NIPSNAP1: variants seen among roughly 807,000 people sequenced by gnomAD.
NIPSNAP1 encodes the protein nipsnap homolog 1.
In NIPSNAP1, 25 loss-of-function variants were observed where a neutral mutation model predicts 49.2. The ratio of observed to expected loss-of-function variants is 0.51; its 90% CI spans 0.37 to 0.71. The LOEUF is 0.71. NIPSNAP1 is among the 30% of genes least tolerant of loss of function. NIPSNAP1 has a pLI of 0.00. For synonymous variants in NIPSNAP1, 143 were observed against 140.7 expected (o/e 1.02, Z -0.12); for missense variants, 294 against 361.0 (o/e 0.81, Z 1.50).
chr22:29,579,955 C>G, intron 1 of NIPSNAP1: 1 of 623,668 alleles, frequency 1.6e-6, no homozygotes, highest in South Asian at 1.6e-5. Context: ...TCTTTCCCAG[C>G]TGTCCAAAAG....
At chr22:29,559,995 A>C (rs931319627) in intron 8 of NIPSNAP1, among the ~76,000 whole-genome samples, 3 of 151,944 alleles carry the variant, frequency 2.0e-5, no homozygotes, top group Admixed American at 1.3e-4. Context: ...CCATCTCCCC[A>C]CATTCTTCCC....
At chr22:29,580,872 A>C in intron 1 of NIPSNAP1, 113 bp downstream of exon 1, 1 of 850,414 alleles carries the variant, frequency 1.2e-6, no homozygotes, top group Non-Finnish European at 1.7e-6. Context: ...CCCCGCCTCT[A>C]ACCCCCAGAT....
Position 29,567,130 on chromosome 22 carries a change from A to T in NIPSNAP1, c.367+2063T>A, listed in dbSNP as rs138529680. On this transcript the variant is annotated intron_variant, in intron 4 of 9. Coordinates refer to ENST00000216121, the MANE Select transcript of NIPSNAP1 (RefSeq NM_003634.4). The stretch of plus-strand genomic sequence containing the variant: ...GTACAGAGCGAGGCTCCATCTCAAA[A>T]AAATAAATAAATAAATAACTACATG... Among the ~76,000 whole-genome samples the T allele has an allele frequency of 2.9e-4, 44 of 152,262 alleles. No homozygotes were observed. The Middle Eastern group carries it at 0.01, about 35-fold the overall frequency.
chr22:29,575,290 A>G (rs1028239976), intron 1 of NIPSNAP1, among the ~76,000 whole-genome samples: 1 of 152,196 alleles, frequency 6.6e-6, no homozygotes, highest in African/African-American at 2.4e-5. Flanking sequence ...TAGGGGCTGG[A>G]ACACTGGAAA....
chr22:29,570,667 T>C, intron 1 of NIPSNAP1, 135 bp from the exon 2 acceptor site: 3 of 1,186,338 alleles, frequency 2.5e-6, no homozygotes, highest in Non-Finnish European at 3.5e-6. Flanking sequence ...CTGTGGCAGC[T>C]CCAGACTGTG....
intron 1 of NIPSNAP1, among the ~76,000 whole-genome samples, chr22:29,570,865 C>T (rs2064403132): frequency 6.6e-6 from 1 of 152,044 alleles, no homozygotes; most frequent in African/African-American, 2.4e-5. Context: ...TCCAGCCTCT[C>T]GCCAAGAGGA....
chr22:29,581,061 T>C lies in NIPSNAP1; in HGVS notation c.22A>G (p.Ile8Val). The change falls in exon 1 of 10, where the codon ATC becomes GTC. Residue 8 changes from isoleucine (I) to valine (V), a missense_variant. By Grantham distance (29) the Ile-to-Val change is conservative. Coordinates refer to ENST00000216121, the MANE Select transcript of NIPSNAP1 (RefSeq NM_003634.4). The part of the protein sequence containing the change: MAPRLCS[I>V]SVTARRLLGG... ...AGCAGCCGCCGCGCCGTCACAGAGATGCTGCACAGCCGCGGAGCCATGTTG... is the reference window on the plus strand; with the variant it reads ...AGCAGCCGCCGCGCCGTCACAGAGACGCTGCACAGCCGCGGAGCCATGTTG... 1.9e-6 allele frequency: 3 copies of C among 1,541,456 alleles called. No homozygotes were observed. Among genetic ancestry groups the C allele is most frequent in the Non-Finnish European group, 2.6e-6 (3 of 1,146,026 alleles).
chr22:29,569,218 C>A lies in NIPSNAP1; in HGVS notation c.342G>T (p.Thr114=), dbSNP rs562040360. 2 of 1,614,070 alleles carry A rather than the reference C, an allele frequency of 1.2e-6. No homozygotes were observed. The highest frequency in any genetic ancestry group is 2.7e-5 in the African/African-American group (2 of 75,026). Residue 114 remains threonine (T), a synonymous_variant, in exon 4 of 10, where the codon ACG becomes ACT. Transcript: ENST00000216121. Reference sequence around the variant, plus strand: ...CTGCCTGGTCCTGCTCCCCATACCACGTGTTCCAGTTGCCCACGAGTGAGC... The same window carrying A: ...CTGCCTGGTCCTGCTCCCCATACCAAGTGTTCCAGTTGCCCACGAGTGAGC... ...YPCSLVGNWN[T]WYGEQDQAVH...
At chr22:29,567,306 G>A (rs2146608477) in intron 4 of NIPSNAP1, among the ~76,000 whole-genome samples, 1 of 152,192 alleles carries the variant, frequency 6.6e-6, no homozygotes, top group East Asian at 1.9e-4. Flanking sequence ...GGGCATGCTA[G>A]GGGTGCCCCT....
intron 2 of NIPSNAP1, 37 bp downstream of exon 2, chr22:29,570,368 G>T: frequency 6.2e-7 from 1 of 1,613,844 alleles, no homozygotes; most frequent in Non-Finnish European, 8.5e-7. Flanking sequence ...CAGAGCCCCT[G>T]AAAGGGCAGA....
intron 7 of NIPSNAP1, 58 bp downstream of exon 7, chr22:29,561,113 G>C: frequency 6.5e-7 from 1 of 1,534,490 alleles, no homozygotes; most frequent in Non-Finnish European, 9.0e-7. Flanking sequence ...AGGGGCCTTG[G>C]TGGGGCAGGT....
At chr22:29,562,589 G>A (rs1478914046) in intron 4 of NIPSNAP1, among the ~76,000 whole-genome samples, 15 of 152,150 alleles carry the variant, frequency 9.9e-5, no homozygotes, top group African/African-American at 2.4e-5. Context: ...TACTTGGGAG[G>A]CTGAGGCAGG....
At chr22:29,556,040 C>A in intron 9 of NIPSNAP1, 41 bp from the exon 10 acceptor site, 2 of 1,534,982 alleles carry the variant, frequency 1.3e-6, no homozygotes, top group South Asian at 2.4e-5. Context: ...GGGGCTCAAG[C>A]AAGCCAACAA....
chr22:29,579,289 C>CT lies in NIPSNAP1; in HGVS notation c.98+1695dup, dbSNP rs34084606. On this transcript the variant is annotated intron_variant, in intron 1 of 9. Transcript: ENST00000216121. ...TCACCAACATGGTGAAATTTTTGTA[C>CT]TTTTTTTTTTTTTTTTTTTTTTTTG... Among the ~76,000 whole-genome samples, 556 of 57,218 alleles carry CT rather than the reference C, an allele frequency of 9.7e-3. 3 individuals are homozygous for CT. The highest frequency in any genetic ancestry group is 0.024 in the East Asian group (65 of 2,746). The allele number at this position is 57,218 out of a possible 152,430, so 37.5% of individuals were successfully genotyped here.
chr22:29,577,650 G>A (rs531926555), intron 1 of NIPSNAP1, among the ~76,000 whole-genome samples: 1 of 151,322 alleles, frequency 6.6e-6, no homozygotes, highest in East Asian at 1.9e-4. Context: ...CTGACCTCAG[G>A]TGATCTGCCC....
At chr22:29,561,308 T>A in intron 6 of NIPSNAP1, 106 bp from the exon 7 acceptor site, 2 of 1,501,396 alleles carry the variant, frequency 1.3e-6, no homozygotes, top group Non-Finnish European at 9.2e-7. Context: ...CCTCCCAAGC[T>A]GCAGCGGCCA....
At chr22:29,577,089 T>A (rs1363844270) in intron 1 of NIPSNAP1, among the ~76,000 whole-genome samples, 1 of 93,548 alleles carries the variant, frequency 1.1e-5, no homozygotes, top group Non-Finnish European at 2.5e-5. Context: ...TTTTCTTCTA[T>A]TTTTTTTTTC....
rs1398489424 is a variant in NIPSNAP1, at chr22:29,554,888, A to C, written c.*1047T>G. 6.5e-6 allele frequency: 1 copy of C among 152,682 alleles called. No individual in the cohort carries two copies. Among genetic ancestry groups the C allele is most frequent in the Admixed American group, 6.5e-5 (1 of 15,278 alleles). The allele number at this position is 152,682 out of a possible 1,614,324, so 9.5% of individuals were successfully genotyped here. ...ATGGTAGGCAGAATCAAGCTACCCA[A>C]GGGTTCATGATGAGGTATGGGGGTC... On this transcript the variant is annotated 3_prime_UTR_variant, in exon 10 of 10. Coordinates refer to ENST00000216121, the MANE Select transcript of NIPSNAP1 (RefSeq NM_003634.4).
chr22:29,578,649 A>G (rs895562497), intron 1 of NIPSNAP1, among the ~76,000 whole-genome samples: 2 of 151,350 alleles, frequency 1.3e-5, no homozygotes, highest in South Asian at 4.1e-4. Context: ...GAATTAAGGT[A>G]TAAGTAACTG....
Sources: gnomAD v4.1 joint callset for allele counts (sites outside exome capture counted in the v4.1 genomes callset) on GRCh38, gnomAD v4.1.1 for gene constraint, MANE v1.5 for transcripts, NCBI Gene and HGNC (gene_info 2026-07-23, HGNC 2026-07-21) for gene names.